BUB1: variants seen among roughly 807,000 people sequenced by gnomAD.
The protein encoded by BUB1 is BUB1 mitotic checkpoint serine/threonine kinase, also known as mitotic checkpoint serine/threonine-protein kinase BUB1.
Under a neutral mutation model 135.2 loss-of-function variants are expected in BUB1, and 84 were observed. That is an observed-to-expected ratio of 0.62 (90% CI 0.52 to 0.74). The LOEUF (loss-of-function observed/expected upper bound fraction) is 0.74, where lower values mean the gene tolerates loss of function less well. BUB1 is among the 30% of genes least tolerant of loss of function. The pLI, the probability that BUB1 is intolerant of heterozygous loss-of-function variation, is 0.00. For missense variants in BUB1, 1,162 were observed against 1,288.3 expected, an observed-to-expected ratio of 0.90 and a Z score of 1.50; for synonymous variants, 403 against 434.4, an observed-to-expected ratio of 0.93 and a Z score of 0.90.
intron 9 of BUB1, among the ~76,000 whole-genome samples, chr2:110,662,323 T>C (rs1690122854): frequency 6.6e-6 from 1 of 152,100 alleles, no homozygotes; most frequent in African/African-American, 2.4e-5. Context: ...AACACAAATA[T>C]AAATTGCAAT....
intron 3 of BUB1, 145 bp from the exon 4 acceptor site, chr2:110,673,002 T>C (rs957554101): frequency 2.3e-5 from 18 of 786,532 alleles, no homozygotes; most frequent in Non-Finnish European, 2.8e-5. Flanking sequence ...GTTTAGAGGG[T>C]TGGACTTTTC....
chr2:110,660,676 G>A (rs1304268616), intron 10 of BUB1, among the ~76,000 whole-genome samples: 1 of 152,142 alleles, frequency 6.6e-6, no homozygotes, highest in Non-Finnish European at 1.5e-5. Flanking sequence ...CTATTCAAAT[G>A]ATCCCATTCA....
At position 110,672,692 on chromosome 2, in the gene BUB1, C is replaced by A; in HGVS notation, c.391G>T (p.Glu131Ter). ...VLQRGIQNQA[E>*]PREFLQQQYR... ...TGTTGTTGCAGGAACTCTCTGGGTTCAGCCTGGTTTTGAATTCCTCTCTGA... is the reference window on the plus strand; with the variant it reads ...TGTTGTTGCAGGAACTCTCTGGGTTAAGCCTGGTTTTGAATTCCTCTCTGA... Residue 131 changes from glutamate (E) to a stop codon, truncating the protein, a stop_gained, in exon 4 of 25, where the codon GAA becomes TAA. Coordinates refer to ENST00000302759, the MANE Select transcript of BUB1 (RefSeq NM_004336.5). LOFTEE classifies it high-confidence loss of function. 1.2e-6 allele frequency: 2 copies of A among 1,605,646 alleles called. No individual in the cohort carries two copies. Among genetic ancestry groups the A allele is most frequent in the South Asian group, 1.1e-5 (1 of 89,482 alleles).
intron 9 of BUB1, among the ~76,000 whole-genome samples, chr2:110,663,398 T>A (rs1690153278): frequency 1.3e-5 from 2 of 152,294 alleles, no homozygotes; most frequent in Non-Finnish European, 2.9e-5. Flanking sequence ...ATTTAGTACA[T>A]GGTAAAGATA....
At chr2:110,647,674 G>T (rs1689678492) in intron 19 of BUB1, among the ~76,000 whole-genome samples, 2 of 152,106 alleles carry the variant, frequency 1.3e-5, no homozygotes, top group South Asian at 4.1e-4. Flanking sequence ...CTATGTAGAT[G>T]CTTTCCCCCT....
intron 13 of BUB1, among the ~76,000 whole-genome samples, chr2:110,658,017 T>G (rs947845817): frequency 2.0e-5 from 3 of 152,162 alleles, no homozygotes; most frequent in African/African-American, 7.2e-5. Context: ...CTAATTGGCT[T>G]CTACTTATCT....
At position 110,672,900 on chromosome 2, in the gene BUB1, G is replaced by A. The variant is rs768325022; in HGVS notation, c.226-43C>T. 3.3e-6 allele frequency: 5 copies of A among 1,503,460 alleles called. No homozygotes were observed. The African/African-American group carries it at 4.2e-5, about 13-fold the overall frequency. The allele number at this position is 1,503,460 out of a possible 1,614,324, so 93.1% of individuals were successfully genotyped here. ...AAAAAGACATAAGAATAATGGAACTGCTAGTCTATGTCTGGTGAGGAGTTA... is the reference window on the plus strand; with the variant it reads ...AAAAAGACATAAGAATAATGGAACTACTAGTCTATGTCTGGTGAGGAGTTA... On this transcript the variant is annotated intron_variant, in intron 3 of 24. Transcript: ENST00000302759.
chr2:110,669,614 T>C (rs1326376892), intron 5 of BUB1, 61 bp from the exon 6 acceptor site: 1 of 1,084,542 alleles, frequency 9.2e-7, no homozygotes, highest in East Asian at 2.4e-5. Context: ...AGTAAAATTA[T>C]CACATAATAA....
chr2:110,657,153 T>C, intron 14 of BUB1, 36 bp from the exon 15 acceptor site: 7 of 1,541,948 alleles, frequency 4.5e-6, no homozygotes, highest in Non-Finnish European at 6.2e-6. Context: ...AATAGTAAAA[T>C]ATGCTAAGGA....
Position 110,672,752 on chromosome 2 carries a change from C to T in BUB1, c.331G>A (p.Ala111Thr), listed in dbSNP as rs1232672422. 5.6e-6 allele frequency: 9 copies of T among 1,614,166 alleles called. No homozygotes were observed. Among genetic ancestry groups the T allele is most frequent in the South Asian group, 1.1e-5 (1 of 91,078 alleles). The change falls in exon 4 of 25, where the codon GCC becomes ACC. Residue 111 changes from alanine to threonine, a missense_variant. Coordinates refer to ENST00000302759, the MANE Select transcript of BUB1 (RefSeq NM_004336.5). ...LYIAWAGHLE[A>T]QGELQHASAV... ...CTGGCATGCTGCAGCTCTCCTTGGGCTTCCAGATGCCCCGCCCAGGCAATG... is the reference window on the plus strand; with the variant it reads ...CTGGCATGCTGCAGCTCTCCTTGGGTTTCCAGATGCCCCGCCCAGGCAATG...
At position 110,658,629 on chromosome 2, in the gene BUB1, T is replaced by A; in HGVS notation, c.1390A>T (p.Thr464Ser). 6.2e-7 allele frequency: 1 copy of A among 1,614,248 alleles called. No homozygotes were observed. The highest frequency in any genetic ancestry group is 1.1e-5 in the South Asian group (1 of 91,080). ...AATACTTTACCTAATGCTTCTTTTG[T>A]GTGCACGGTGGGTGATGGCTGCACT... ...SKVQPSPTVH[T>S]KEALGFIMNM... The change falls in exon 12 of 25, where the codon ACA becomes TCA. Residue 464 changes from threonine to serine, a missense_variant. Physicochemically the swap from Thr to Ser is moderately conservative, Grantham distance 58 (BLOSUM62 1). Transcript: ENST00000302759.
rs185857787 is a variant in BUB1 at position 110,661,495 on chromosome 2, A to G, written c.1217+87T>C. The G allele has an allele frequency of 1.2e-5, 17 of 1,462,592 alleles. No homozygotes were observed. The African/African-American group carries it at 1.8e-4, about 16-fold the overall frequency. 90.6% of individuals were successfully genotyped at this position (1,462,592 alleles called of 1,614,324 possible). ...AAGGCAGACATCATTCATCTTTTAC[A>G]TACTGTTCCTGATAATGCAGGTCAT... On this transcript the variant is annotated intron_variant, in intron 10 of 24. Coordinates refer to ENST00000302759, the MANE Select transcript of BUB1 (RefSeq NM_004336.5).
At chr2:110,677,093 CT>C (rs1447812889) in intron 1 of BUB1, among the ~76,000 whole-genome samples, 2 of 152,106 alleles carry the variant, frequency 1.3e-5, no homozygotes, top group Non-Finnish European at 1.5e-5. Flanking sequence ...CCTAAATGCA[CT>C]GTAATAGTAA....
chr2:110,671,428 TTTC>T (rs1690419270), intron 4 of BUB1, among the ~76,000 whole-genome samples: 1 of 152,146 alleles, frequency 6.6e-6, no homozygotes, highest in African/African-American at 2.4e-5. Context: ...ATACTAATTT[TTTC>T]TTTTTTATGT....
chr2:110,660,890 G>A (rs1166174160), intron 10 of BUB1: 1 of 152,206 alleles, frequency 6.6e-6, no homozygotes, highest in East Asian at 1.9e-4. Context: ...CACTTTAAGT[G>A]CACTTGGGGT....
intron 1 of BUB1, among the ~76,000 whole-genome samples, chr2:110,677,193 A>G (rs576135609): frequency 2.8e-4 from 42 of 152,306 alleles, no homozygotes; most frequent in African/African-American, 9.1e-4. Flanking sequence ...GGGGCGGGGG[A>G]CTTCTGAAAG....
chr2:110,659,542 A>G (rs987472489), intron 11 of BUB1, among the ~76,000 whole-genome samples: 2 of 152,180 alleles, frequency 1.3e-5, no homozygotes, highest in African/African-American at 4.8e-5. Flanking sequence ...CAGAAAAAAA[A>G]TGTCCCAGTC....
At chr2:110,669,601 G>A (rs371980630) in intron 5 of BUB1, 48 bp from the exon 6 acceptor site, 12 of 1,247,498 alleles carry the variant, frequency 9.6e-6, no homozygotes, top group South Asian at 6.1e-5. Context: ...GGGTAAAACC[G>A]TAAGTAAAAT....
intron 8 of BUB1, 78 bp downstream of exon 8, chr2:110,667,443 T>C (rs1690288578): frequency 7.3e-7 from 1 of 1,373,002 alleles, no homozygotes; most frequent in Non-Finnish European, 9.9e-7. Context: ...TCAATTATTC[T>C]TTAAAAAAGT....
Sources: allele counts gnomAD v4.1 joint callset (sites outside exome capture counted in the v4.1 genomes callset), GRCh38; gene constraint gnomAD v4.1.1; transcripts MANE v1.5; gene names NCBI Gene and HGNC (gene_info 2026-07-23, HGNC 2026-07-21).